Variants in PCNX1 observed in about 807,000 individuals in gnomAD.
PCNX1 encodes the protein pecanex-like protein 1.
In PCNX1, 78 loss-of-function variants were observed where a neutral mutation model predicts 242.2. The ratio of observed to expected loss-of-function variants is 0.32; its 90% CI spans 0.27 to 0.39. The LOEUF (loss-of-function observed/expected upper bound fraction) is 0.39, where lower values mean the gene tolerates loss of function less well. Among genes scored for constraint, PCNX1 ranks in the 10% least tolerant of loss-of-function variants. The pLI, the probability that PCNX1 is intolerant of heterozygous loss-of-function variation, is 1.00. For missense variants in PCNX1, 2,581 were observed against 2,856.5 expected, an observed-to-expected ratio of 0.90 and a Z score of 2.20; for synonymous variants, 1,024 against 1,032.9, an observed-to-expected ratio of 0.99 and a Z score of 0.17.
At chr14:71,035,991 C>G in intron 18 of PCNX1, 74 bp from the exon 19 acceptor site, 1 of 977,324 alleles carries the variant, frequency 1.0e-6, no homozygotes, top group Non-Finnish European at 1.6e-6. Flanking sequence ...TTAAACTTTG[C>G]CAATTGGGAA....
chr14:71,057,748 T>C (rs2061220536), intron 26 of PCNX1, 24 bp downstream of exon 26: 1 of 1,505,546 alleles, frequency 6.6e-7, no homozygotes, highest in Non-Finnish European at 9.2e-7. Context: ...TCACCTTTTA[T>C]TTCTGTAGCA....
chr14:71,016,446 C>T (rs544189912), intron 11 of PCNX1, among the ~76,000 whole-genome samples: 5 of 152,298 alleles, frequency 3.3e-5, no homozygotes, highest in African/African-American at 7.2e-5. Flanking sequence ...AGAGAATATA[C>T]ATTTTTCTAA....
At chr14:70,929,303 A>G (rs887379323) in intron 1 of PCNX1, among the ~76,000 whole-genome samples, 1 of 151,750 alleles carries the variant, frequency 6.6e-6, no homozygotes, top group Non-Finnish European at 1.5e-5. Flanking sequence ...AGTCTACCAT[A>G]TGACTATATA....
intron 7 of PCNX1, among the ~76,000 whole-genome samples, chr14:70,991,154 T>C (rs193164192): frequency 1.6e-4 from 25 of 152,226 alleles, no homozygotes; most frequent in African/African-American, 5.5e-4. Context: ...CCCATGTTTT[T>C]CTAGGGTTTG....
Position 71,051,168 on chromosome 14 carries a change from CAAAAAAAAAAA to C in PCNX1, c.4447+428_4447+438del, listed in dbSNP as rs758181078. Among the ~76,000 whole-genome samples, 24 of 41,782 alleles carry C rather than the reference CAAAAAAAAAAA, an allele frequency of 5.7e-4. No homozygotes were observed. In the South Asian group the frequency reaches 8.6e-3, roughly 15 times the overall value. 27.4% of individuals were successfully genotyped at this position (41,782 alleles called of 152,430 possible). ...GGGCAACGAGAGCAAAACTCTGTCT[CAAAAAAAAAAA>C]AAAAAAAAAAAAAAAAAAATCATAA... is the stretch of plus-strand genomic sequence containing the variant. On this transcript the variant is annotated intron_variant, in intron 23 of 35. Transcript: ENST00000304743.
chr14:71,032,869 T>A (rs1379893221), intron 16 of PCNX1, among the ~76,000 whole-genome samples: 1 of 152,216 alleles, frequency 6.6e-6, no homozygotes, highest in Admixed American at 6.5e-5. Context: ...TTTGTAGTAT[T>A]TCCTTCTGGG....
At chr14:70,991,990 A>G (rs1348514274) in intron 7 of PCNX1, among the ~76,000 whole-genome samples, 1 of 152,102 alleles carries the variant, frequency 6.6e-6, no homozygotes, top group African/African-American at 2.4e-5. Context: ...TGAATTATCA[A>G]TTTTCTTACA....
At chr14:71,057,896 C>T (rs1371440316) in intron 26 of PCNX1, among the ~76,000 whole-genome samples, 172 bp downstream of exon 26, 2 of 152,074 alleles carry the variant, frequency 1.3e-5, no homozygotes, top group African/African-American at 4.8e-5. Context: ...TTCCATATTC[C>T]AAGAAGAATC....
At chr14:71,103,715 C>T (rs1203982077) in intron 32 of PCNX1, 46 bp downstream of exon 32, 1 of 1,581,448 alleles carries the variant, frequency 6.3e-7, no homozygotes, top group Non-Finnish European at 8.7e-7. Context: ...ATTCCTGACC[C>T]TCTTAATCTA....
chr14:71,053,796 A>G (rs906448764), intron 24 of PCNX1, among the ~76,000 whole-genome samples: 2 of 152,258 alleles, frequency 1.3e-5, no homozygotes, highest in African/African-American at 4.8e-5. Flanking sequence ...TAAAGTTAAG[A>G]ATAACTATAT....
chr14:71,016,271 A>G (rs2059960773), intron 11 of PCNX1, among the ~76,000 whole-genome samples: 1 of 152,222 alleles, frequency 6.6e-6, no homozygotes, highest in Non-Finnish European at 1.5e-5. Flanking sequence ...AAAAGCTAAT[A>G]GAAGTGGAGA....
At chr14:71,085,555 A>G (rs1188376873) in intron 28 of PCNX1, 1 of 153,356 alleles carries the variant, frequency 6.5e-6, no homozygotes, top group African/African-American at 2.4e-5. Context: ...CAGCTGTAAC[A>G]GCTTTTCCAG....
intron 1 of PCNX1, among the ~76,000 whole-genome samples, chr14:70,935,643 A>G (rs2056972363): frequency 6.6e-6 from 1 of 152,178 alleles, no homozygotes; most frequent in Non-Finnish European, 1.5e-5. Context: ...ACTGAGTAAT[A>G]ATGTTGGGGT....
intron 30 of PCNX1, among the ~76,000 whole-genome samples, chr14:71,099,702 T>A (rs992884608): frequency 1.3e-5 from 2 of 152,224 alleles, no homozygotes; most frequent in African/African-American, 2.4e-5. Flanking sequence ...TATTACTATG[T>A]GGCTAAGTCT....
At chr14:71,026,949 G>T in intron 15 of PCNX1, 67 bp downstream of exon 15, 1 of 676,810 alleles carries the variant, frequency 1.5e-6, no homozygotes, top group South Asian at 2.0e-5. Context: ...GTAATAAACT[G>T]ACCATTAAAA....
intron 30 of PCNX1, 73 bp from the exon 31 acceptor site, chr14:71,101,917 T>C: frequency 1.3e-6 from 1 of 771,914 alleles, no homozygotes; most frequent in Non-Finnish European, 2.0e-6. Context: ...TTAAGAACTT[T>C]CACTTAGTAA....
At chr14:70,951,531 C>T (rs1243855702) in intron 2 of PCNX1, among the ~76,000 whole-genome samples, 7 of 151,744 alleles carry the variant, frequency 4.6e-5, no homozygotes, top group Middle Eastern at 3.2e-3. Context: ...TGCACCACCA[C>T]GCCCAGCTAA....
At chr14:70,932,936 G>A (rs1327992069) in intron 1 of PCNX1, among the ~76,000 whole-genome samples, 3 of 151,824 alleles carry the variant, frequency 2.0e-5, no homozygotes, top group Non-Finnish European at 4.4e-5. Flanking sequence ...ATTTTTCTAG[G>A]GATTTTTATG....
intron 1 of PCNX1, among the ~76,000 whole-genome samples, chr14:70,920,445 T>C (rs1289411270): frequency 1.3e-5 from 2 of 152,228 alleles, no homozygotes; most frequent in Non-Finnish European, 2.9e-5. Context: ...GTCAAATGTA[T>C]CTTATGAGAA....
Sources: gnomAD v4.1 joint callset for allele counts (sites outside exome capture counted in the v4.1 genomes callset) on GRCh38, gnomAD v4.1.1 for gene constraint, MANE v1.5 for transcripts, NCBI Gene and HGNC (gene_info 2026-07-23, HGNC 2026-07-21) for gene names.